The following TMEM245 variants were observed in gnomAD, a reference collection of about 807,000 sequenced individuals.
The protein encoded by TMEM245 is protein CG-2.
In TMEM245, 69 loss-of-function variants were observed where a neutral mutation model predicts 101.2. That is an observed-to-expected ratio of 0.68 (90% confidence interval 0.56 to 0.83). The LOEUF is 0.83. TMEM245 is among the 40% of genes least tolerant of loss of function. The pLI is 0.00. For missense variants in TMEM245, 1,075 were observed against 1,092.8 expected (o/e 0.98, Z 0.23); for synonymous variants, 537 against 449.8 (o/e 1.19, Z -2.45).
chr9:109,041,975 C>T (rs953096577), intron 14 of TMEM245, among the ~76,000 whole-genome samples: 1 of 152,044 alleles, frequency 6.6e-6, no homozygotes, highest in African/African-American at 2.4e-5. Flanking sequence ...ACTATAACCA[C>T]AAAAAATTAG....
intron 5 of TMEM245, 31 bp downstream of exon 5, chr9:109,090,891 A>G: frequency 6.3e-7 from 1 of 1,589,386 alleles, no homozygotes. Context: ...CTTCAAAGAC[A>G]AGACGAGATC....
intron 3 of TMEM245, among the ~76,000 whole-genome samples, chr9:109,095,463 G>A (rs1204525074): frequency 6.6e-6 from 1 of 152,146 alleles, no homozygotes; most frequent in African/African-American, 2.4e-5. Context: ...GAAGAACCCG[G>A]CATATTAAAG....
intron 3 of TMEM245, among the ~76,000 whole-genome samples, chr9:109,105,315 A>G (rs563407070): frequency 1.0e-3 from 152 of 152,308 alleles, no homozygotes; most frequent in African/African-American, 3.3e-3. Flanking sequence ...ACCACTTCAC[A>G]CCCACTGGAC....
At chr9:109,055,823 G>C (rs769090808) in intron 12 of TMEM245, among the ~76,000 whole-genome samples, 1 of 151,882 alleles carries the variant, frequency 6.6e-6, no homozygotes, top group East Asian at 1.9e-4. Context: ...TAGTAGAGAC[G>C]GGGTTTCTCC....
At chr9:109,026,847 G>A (rs1827805762) in intron 17 of TMEM245, among the ~76,000 whole-genome samples, 1 of 151,866 alleles carries the variant, frequency 6.6e-6, no homozygotes, top group Admixed American at 6.6e-5. Context: ...AGTTTGTTTA[G>A]AAGAGCCTGT....
intron 17 of TMEM245, among the ~76,000 whole-genome samples, chr9:109,022,904 T>A (rs1827673752): frequency 6.6e-6 from 1 of 152,226 alleles, no homozygotes; most frequent in African/African-American, 2.4e-5. Flanking sequence ...TAATTTTATA[T>A]CTATTAACTA....
chr9:109,110,919 A>C (rs1043809318), intron 1 of TMEM245, among the ~76,000 whole-genome samples: 1 of 152,212 alleles, frequency 6.6e-6, no homozygotes, highest in Non-Finnish European at 1.5e-5. Flanking sequence ...TCAGCCTATG[A>C]CTAGTAGAAG....
chr9:109,061,197 T>G (rs1829001074), intron 10 of TMEM245, among the ~76,000 whole-genome samples: 1 of 152,082 alleles, frequency 6.6e-6, no homozygotes, highest in Non-Finnish European at 1.5e-5. Flanking sequence ...ATGCCTGCAG[T>G]CCCAGCTACT....
In TMEM245 at chr9:109,044,479, C is replaced by A. The variant is rs573588871; in HGVS notation, c.2123+5804G>T. ...ATTCTGCCTCCTCCACATTTCCTTA[C>A]ACTGGTTCCACCCTCTTTTCTAAAG... On this transcript the variant is annotated intron_variant, in intron 14 of 17. Coordinates refer to ENST00000374586, the MANE Select transcript of TMEM245 (RefSeq NM_032012.4). 6.7e-4 allele frequency among the ~76,000 whole-genome samples: 102 copies of A among 152,250 alleles called. 3 individuals carry two copies. The South Asian group carries it at 0.021, about 31-fold the overall frequency.
At chr9:109,090,869 A>G in intron 5 of TMEM245, 53 bp downstream of exon 5, 1 of 1,528,088 alleles carries the variant, frequency 6.5e-7, no homozygotes, top group Non-Finnish European at 8.9e-7. Context: ...GTAAAAAAAG[A>G]AAAAAATCAA....
chr9:109,068,636 C>CAAAACA (rs541489972), intron 9 of TMEM245, among the ~76,000 whole-genome samples: 5 of 151,830 alleles, frequency 3.3e-5, no homozygotes, highest in African/African-American at 1.2e-4. Flanking sequence ...GACTCTGTGT[C>CAAAACA]AAAACAAAAA....
intron 7 of TMEM245, among the ~76,000 whole-genome samples, chr9:109,083,923 A>C (rs1421633294): frequency 1.4e-5 from 2 of 139,602 alleles, no homozygotes; most frequent in African/African-American, 5.3e-5. Context: ...AAAAAAAAAA[A>C]AAAAAACACC....
chr9:109,045,789 CTTGA>C (rs1232515781), intron 14 of TMEM245, among the ~76,000 whole-genome samples: 2 of 152,104 alleles, frequency 1.3e-5, no homozygotes, highest in Non-Finnish European at 2.9e-5. Flanking sequence ...CCTTTACTGT[CTTGA>C]TTATTATTTA....
intron 14 of TMEM245, among the ~76,000 whole-genome samples, chr9:109,041,861 T>C (rs1828319072): frequency 6.6e-6 from 1 of 152,062 alleles, no homozygotes; most frequent in Non-Finnish European, 1.5e-5. Context: ...CTGGTTGCGG[T>C]AGTTCACACC....
intron 12 of TMEM245, among the ~76,000 whole-genome samples, chr9:109,053,363 G>A (rs1304289205): frequency 6.6e-6 from 1 of 152,134 alleles, no homozygotes; most frequent in East Asian, 1.9e-4. Context: ...GGAGGTGGAG[G>A]TTGCAGTGAG....
Position 109,060,386 on chromosome 9 carries a change from A to C in TMEM245, c.1690T>G (p.Trp564Gly). The C allele has an allele frequency of 6.2e-7, 1 of 1,613,724 alleles. No individual in the cohort carries two copies. Among genetic ancestry groups the C allele is most frequent in the Non-Finnish European group, 8.5e-7 (1 of 1,179,804 alleles). Residue 564 changes from tryptophan to glycine, a missense_variant, in exon 11 of 18, where the codon TGG (tryptophan) becomes GGG (glycine). Transcript: ENST00000374586. ...AACCAAGAGTGATACAGTCTGTCCC[A>C]AAGTTCTAGTACTTGCTTTTCAATT... is the stretch of plus-strand genomic sequence containing the variant. ...AVIEKQVLEL[W>G]DRLYHSWFVK...
At chr9:109,071,508 G>A (rs900107996) in intron 9 of TMEM245, among the ~76,000 whole-genome samples, 1 of 151,682 alleles carries the variant, frequency 6.6e-6, no homozygotes, top group Non-Finnish European at 1.5e-5. Flanking sequence ...GGAGACTAAA[G>A]TGGGAGGAAT....
chr9:109,050,938 T>TA (rs1165982564), intron 12 of TMEM245, among the ~76,000 whole-genome samples: 4 of 151,724 alleles, frequency 2.6e-5, no homozygotes. Flanking sequence ...ATCACTGTTA[T>TA]AACATGGGAA....
chr9:109,035,324 T>A (rs1003412107), intron 16 of TMEM245, among the ~76,000 whole-genome samples: 16 of 152,246 alleles, frequency 1.1e-4, no homozygotes, highest in African/African-American at 3.4e-4. Context: ...CACTATGATG[T>A]TCAGCTTTTT....
Sources: allele counts gnomAD v4.1 joint callset (sites outside exome capture counted in the v4.1 genomes callset), GRCh38; gene constraint gnomAD v4.1.1; transcripts MANE v1.5; gene names NCBI Gene and HGNC (gene_info 2026-07-23, HGNC 2026-07-21).